Variants in SCAF8 observed in about 807,000 individuals in gnomAD.
The protein encoded by SCAF8 is SR-related CTD associated factor 8, also known as SR-related and CTD-associated factor 8.
In SCAF8, 23 loss-of-function variants were observed where a neutral mutation model predicts 140.5. The observed-to-expected ratio is 0.16, with a 90% CI of 0.12 to 0.23. The LOEUF (loss-of-function observed/expected upper bound fraction) is 0.23, where lower values mean the gene tolerates loss of function less well. Ranked by LOEUF, SCAF8 falls within the 10% of genes least tolerant of loss-of-function variation. The probability of loss-of-function intolerance (pLI) is 1.00; values close to 1 mark genes in which losing one functional copy is unlikely to be tolerated. For synonymous variants in SCAF8, 575 were observed against 528.9 expected, an observed-to-expected ratio of 1.09 and a Z score of -1.20; for missense variants, 1,397 against 1,555.7, an observed-to-expected ratio of 0.90 and a Z score of 1.72.
intron 10 of SCAF8, 37 bp downstream of exon 10, chr6:154,808,238 A>G: frequency 3.2e-6 from 5 of 1,572,756 alleles, no homozygotes; most frequent in Non-Finnish European, 4.4e-6. Flanking sequence ...TAAATTTCTA[A>G]AAGTAGCTAA....
rs200983999 is a variant in SCAF8 at position 154,827,839 on chromosome 6, G to C, written c.2140+599G>C. Among the ~76,000 whole-genome samples the C allele has an allele frequency of 2.5e-4, 38 of 150,630 alleles. 1 individual carries two copies. In the East Asian group the frequency reaches 6.8e-3, roughly 27 times the overall value. On this transcript the variant is annotated intron_variant, in intron 18 of 19. Coordinates refer to ENST00000367178, the MANE Select transcript of SCAF8 (RefSeq NM_014892.5). ...ACACCTTTTTTGGGGCGGGGCGGGG[G>C]GGGGGGCGGTGTAAAACTTTATTTT...
intron 2 of SCAF8, among the ~76,000 whole-genome samples, chr6:154,777,216 C>T (rs1453956741): frequency 1.3e-5 from 2 of 151,506 alleles, no homozygotes; most frequent in African/African-American, 2.4e-5. Flanking sequence ...AAGAGAAGCA[C>T]AATTCAGGTT....
intron 15 of SCAF8, among the ~76,000 whole-genome samples, chr6:154,821,730 T>TA (rs1778428095): frequency 6.6e-6 from 1 of 152,058 alleles, no homozygotes; most frequent in Non-Finnish European, 1.5e-5. Context: ...GCAGAGTGAG[T>TA]GAGGAATGAG....
chr6:154,816,479 T>C (rs577332400), intron 13 of SCAF8, among the ~76,000 whole-genome samples: 6 of 150,426 alleles, frequency 4.0e-5, no homozygotes, highest in Admixed American at 3.3e-4. Flanking sequence ...TTTGGTTAGC[T>C]ATTTTAATTG....
chr6:154,787,844 C>A lies in SCAF8; in HGVS notation c.160-17C>A. On this transcript the variant is annotated splice_polypyrimidine_tract_variant and intron_variant, in intron 3 of 19. Coordinates refer to ENST00000367178, the MANE Select transcript of SCAF8 (RefSeq NM_014892.5). Reference sequence around the variant, plus strand: ...CTTTCCGTTTCCTTTCCTTTTCATTCTTCTTTTTTTCATCAGTGTAAACCA... The same window carrying A: ...CTTTCCGTTTCCTTTCCTTTTCATTATTCTTTTTTTCATCAGTGTAAACCA... 2 of 1,571,750 alleles carry A rather than the reference C, an allele frequency of 1.3e-6. No homozygotes were observed. Among genetic ancestry groups the A allele is most frequent in the East Asian group, 2.3e-5 (1 of 44,240 alleles).
At chr6:154,809,602 A>G (rs191714828) in intron 11 of SCAF8, among the ~76,000 whole-genome samples, 2 of 152,304 alleles carry the variant, frequency 1.3e-5, no homozygotes, top group African/African-American at 4.8e-5. Flanking sequence ...CACCTTCTAC[A>G]AGCACCATAA....
chr6:154,793,838 A>AAAG (rs1554261617), intron 5 of SCAF8, among the ~76,000 whole-genome samples: 28 of 149,824 alleles, frequency 1.9e-4, no homozygotes, highest in South Asian at 2.1e-4. Context: ...AAAAAAAAAA[A>AAAG]ATTTTTTTAA....
rs188445610 is a variant in SCAF8, at chr6:154,771,221, G to A, written c.31-2768G>A. Among the ~76,000 whole-genome samples the A allele has an allele frequency of 2.4e-3, 360 of 152,322 alleles. 2 individuals carry two copies. Among genetic ancestry groups the A allele is most frequent in the Non-Finnish European group, 4.1e-3 (278 of 68,020 alleles). Reference sequence around the variant, plus strand: ...TGCTTCACAGGTATTATAAATGATAGCACAAAGAAAGCATAAAAGAGGGAG... The same window carrying A: ...TGCTTCACAGGTATTATAAATGATAACACAAAGAAAGCATAAAAGAGGGAG... On this transcript the variant is annotated intron_variant, in intron 1 of 19. Transcript: ENST00000367178.
rs149222539 is a variant in SCAF8 at position 154,822,322 on chromosome 6, G to A, written c.1839G>A (p.Gln613=). The A allele has an allele frequency of 1.4e-5, 22 of 1,613,470 alleles. No individual in the cohort carries two copies. In the African/African-American group the frequency reaches 2.4e-4, roughly 18 times the overall value. The change falls in exon 16 of 20, where the codon CAG becomes CAA. Residue 613 remains glutamine (Q), a synonymous_variant. Coordinates refer to ENST00000367178, the MANE Select transcript of SCAF8 (RefSeq NM_014892.5). ...CAGAACCTGTTAAAGAGACGGTCCA[G>A]ACAACTCAGAGCCCAACTCCAGTTG... The part of the protein sequence containing the change: ...KSSEPVKETV[Q]TTQSPTPVEK...
chr6:154,810,039 G>A lies in SCAF8; in HGVS notation c.1251G>A (p.Arg417=), dbSNP rs773603526. The change falls in exon 12 of 20, where the codon AGG becomes AGA. Residue 417 remains arginine, a synonymous_variant. Transcript: ENST00000367178. ...RSRSPRKRRS[R]SRSGSRKRKH... is the part of the protein sequence containing the mutation. ...GATCACCAAGAAAACGAAGGTCTAG[G>A]TCACGGTCTGGCTCTAGAAAGCGTA... 6.2e-7 allele frequency: 1 copy of A among 1,607,600 alleles called. No individual in the cohort carries two copies. The highest frequency in any genetic ancestry group is 8.5e-7 in the Non-Finnish European group (1 of 1,178,416).
chr6:154,755,503 G>C lies in SCAF8; in HGVS notation c.31-18486G>C, dbSNP rs112798546. Reference sequence around the variant, plus strand: ...TGACCTCAAGTGACCCTCCCGCCTCGGCCTCCCAAAGTGCTGGGATGCCTG... The same window carrying C: ...TGACCTCAAGTGACCCTCCCGCCTCCGCCTCCCAAAGTGCTGGGATGCCTG... On this transcript the variant is annotated intron_variant, in intron 1 of 19. Coordinates refer to ENST00000367178, the MANE Select transcript of SCAF8 (RefSeq NM_014892.5). Among the ~76,000 whole-genome samples the C allele has an allele frequency of 6.2e-4, 94 of 151,960 alleles. 5 individuals are homozygous for C. In the South Asian group the frequency reaches 0.017, roughly 27 times the overall value.
intron 19 of SCAF8, among the ~76,000 whole-genome samples, chr6:154,831,705 A>G (rs1186247185): frequency 1.0e-4 from 1 of 9,652 alleles, no homozygotes; most frequent in East Asian, 1.8e-3. Flanking sequence ...CCTGTTCTTA[A>G]AAAAAAAAAA....
At chr6:154,820,430 G>A (rs1372818911) in intron 15 of SCAF8, 97 bp downstream of exon 15, 2 of 963,566 alleles carry the variant, frequency 2.1e-6, no homozygotes, top group Non-Finnish European at 3.1e-6. Flanking sequence ...TGTGTATCCT[G>A]GATTCATCTC....
At chr6:154,824,899 A>C (rs1038279884) in intron 17 of SCAF8, 1 of 151,970 alleles carries the variant, frequency 6.6e-6, no homozygotes. Context: ...AGCCAAGATC[A>C]CACCACTGTG....
intron 16 of SCAF8, among the ~76,000 whole-genome samples, chr6:154,823,436 T>C (rs923298064): frequency 7.2e-5 from 11 of 152,148 alleles, no homozygotes; most frequent in Non-Finnish European, 1.0e-4. Context: ...CTGGAGTGTC[T>C]ATTGCACTGG....
In SCAF8 at chr6:154,762,677, G is replaced by A. The variant is rs141444187; in HGVS notation, c.31-11312G>A. ...TAGTATTTCCTTTTAATATTTTTTT[G>A]TGAGCTACCATTTTTATTTATAATA... On this transcript the variant is annotated intron_variant, in intron 1 of 19. Coordinates refer to ENST00000367178, the MANE Select transcript of SCAF8 (RefSeq NM_014892.5). Among the ~76,000 whole-genome samples the A allele has an allele frequency of 3.3e-5, 5 of 152,040 alleles. No homozygotes were observed. In the East Asian group the frequency reaches 9.6e-4, roughly 29 times the overall value.
intron 1 of SCAF8, among the ~76,000 whole-genome samples, chr6:154,744,917 T>G (rs1444136335): frequency 6.6e-6 from 1 of 152,210 alleles, no homozygotes. Flanking sequence ...GAGAATAAAT[T>G]GCAATTCATG....
At position 154,832,637 on chromosome 6, in the gene SCAF8, C is replaced by G. The variant is rs751469556; in HGVS notation, c.3058C>G (p.Pro1020Ala). The G allele has an allele frequency of 6.2e-7, 1 of 1,613,874 alleles. No homozygotes were observed. Among genetic ancestry groups the G allele is most frequent in the African/African-American group, 1.3e-5 (1 of 74,888 alleles). Reference protein sequence around the residue: ...QEGDRDYRFPPIETRESISRP... With the variant: ...QEGDRDYRFPAIETRESISRP... ...AGGAGATAGAGATTACCGGTTTCCTCCTATAGAAACCAGGGAAAGCATTAG... is the reference window on the plus strand; with the variant it reads ...AGGAGATAGAGATTACCGGTTTCCTGCTATAGAAACCAGGGAAAGCATTAG... The change falls in exon 20 of 20, where the codon CCT becomes GCT. Residue 1020 changes from proline to alanine, a missense_variant. Pro to Ala is a conservative substitution (Grantham distance 27). This residue lies in a region of SCAF8 where 930 missense variants were observed against 874.6 expected (regional missense o/e 1.06). Coordinates refer to ENST00000367178, the MANE Select transcript of SCAF8 (RefSeq NM_014892.5).
intron 1 of SCAF8, among the ~76,000 whole-genome samples, chr6:154,768,905 A>G (rs1303029377): frequency 6.6e-6 from 1 of 152,108 alleles, no homozygotes; most frequent in Non-Finnish European, 1.5e-5. Flanking sequence ...TCTACTAAAA[A>G]TACAAAAATT....
Sources: allele counts gnomAD v4.1 joint callset (sites outside exome capture counted in the v4.1 genomes callset), GRCh38; gene constraint gnomAD v4.1.1; regional missense constraint gnomAD v4.1.1; transcripts MANE v1.5; gene names NCBI Gene and HGNC (gene_info 2026-07-23, HGNC 2026-07-21).